Variants in ABCC10 observed in about 807,000 individuals in gnomAD.
ABCC10 encodes the protein ATP binding cassette subfamily C member 10, also known as ATP-binding cassette sub-family C member 10.
ABCC10 carries 110 observed loss-of-function variants against 143.2 expected under a neutral mutation model. The observed-to-expected ratio is 0.77, with a 90% CI of 0.66 to 0.90. The LOEUF is 0.90. Among genes scored for constraint, ABCC10 ranks in the 40% least tolerant of loss-of-function variants. ABCC10 has a pLI of 0.00. For synonymous variants in ABCC10, 805 were observed against 846.7 expected, an observed-to-expected ratio of 0.95 and a Z score of 0.85; for missense variants, 1,700 against 1,900.5, an observed-to-expected ratio of 0.89 and a Z score of 1.96.
intron 17 of ABCC10, 70 bp from the exon 18 acceptor site, chr6:43,447,614 T>A: frequency 1.3e-6 from 2 of 1,593,248 alleles, no homozygotes; most frequent in Non-Finnish European, 1.7e-6. Context: ...TATTCTCCCC[T>A]CCTCACCATC....
rs1783292609 is a variant in ABCC10, at chr6:43,447,910, C to T, written c.3932C>T (p.Thr1311Ile). 1.9e-6 allele frequency: 3 copies of T among 1,613,494 alleles called. No individual in the cohort carries two copies. The highest frequency in any genetic ancestry group is 1.3e-5 in the African/African-American group (1 of 74,932). Residue 1311 changes from threonine to isoleucine, a missense_variant, in exon 18 of 22, where the codon ACC becomes ATC. Thr to Ile is a moderately conservative substitution (Grantham distance 89, BLOSUM62 -1). Transcript: ENST00000372530. ...CGAGTGCTGCTGGACGGCGTGGACACCAGCCAGCTGGAGCTGGCCCAGCTC... is the reference window on the plus strand; with the variant it reads ...CGAGTGCTGCTGGACGGCGTGGACATCAGCCAGCTGGAGCTGGCCCAGCTC... ...SGRVLLDGVD[T>I]SQLELAQLRS...
At position 43,432,531 on chromosome 6, in the gene ABCC10, C is replaced by G; in HGVS notation, c.551C>G (p.Ala184Gly). 2.5e-6 allele frequency: 4 copies of G among 1,612,710 alleles called. No homozygotes were observed. The highest frequency in any genetic ancestry group is 3.4e-6 in the Non-Finnish European group (4 of 1,180,034). ...LLILQLAALL[A>G]YALGWAAPGG... is the part of the protein sequence containing the mutation. ...ATCCTGCAGCTGGCTGCACTCTTGG[C>G]CTATGCACTGGGATGGGCAGCTCCT... Residue 184 changes from alanine (A) to glycine (G), a missense_variant, in exon 3 of 22, where the codon GCC becomes GGC. By Grantham distance (60) the Ala-to-Gly change is moderately conservative. Transcript: ENST00000372530.
intron 7 of ABCC10, 115 bp downstream of exon 7, chr6:43,438,128 G>A (rs989932178): frequency 2.5e-6 from 3 of 1,199,502 alleles, no homozygotes; most frequent in Non-Finnish European, 3.6e-6. Context: ...GCAACGCATG[G>A]TCCCTTTATT....
In ABCC10 at chr6:43,449,484, G is replaced by A. The variant is rs201665862; in HGVS notation, c.4266G>A (p.Gln1422=). 1.2e-5 allele frequency: 20 copies of A among 1,614,058 alleles called. No individual in the cohort carries two copies. The East Asian group carries it at 4.0e-4, about 32-fold the overall frequency. The change falls in exon 21 of 22, where the codon CAG becomes CAA. Residue 1422 remains glutamine, a synonymous_variant. Coordinates refer to ENST00000372530, the MANE Select transcript of ABCC10 (RefSeq NM_001198934.2). The part of the protein sequence containing the change: ...VDQKTDQLLQ[Q]TICKRFANKT... ...AGAAGACAGACCAGCTGCTCCAGCA[G>A]ACCATCTGCAAACGCTTTGCCAACA...
intron 8 of ABCC10, among the ~76,000 whole-genome samples, chr6:43,441,479 A>G (rs1476574288): frequency 2.0e-5 from 3 of 152,214 alleles, no homozygotes; most frequent in African/African-American, 7.2e-5. Context: ...CGTCTCAAAA[A>G]AAAAAAAGGG....
intron 2 of ABCC10, among the ~76,000 whole-genome samples, chr6:43,428,742 A>G (rs540790838): frequency 2.3e-4 from 35 of 152,332 alleles, no homozygotes; most frequent in Non-Finnish European, 4.3e-4. Flanking sequence ...AGTTAGTCTC[A>G]TTCTGGCTGC....
In ABCC10 at chr6:43,443,104, C is replaced by G. The variant is rs776121960; in HGVS notation, c.2361C>G (p.Tyr787Ter). ...TRLLCTHRTEYLERADAVLLM... is the reference protein window; with the variant it reads ...TRLLCTHRTE ...TGCTCTGCACCCACCGCACTGAGTA[C>G]CTGGAGAGGGCTGACGCGGTGCTGC... The change falls in exon 10 of 22, where the codon TAC becomes TAG. Residue 787 changes from tyrosine to a stop codon, truncating the protein, a stop_gained. Transcript: ENST00000372530. LOFTEE classifies it high-confidence loss of function. This position sits in a 1 kb window ranked among gnomAD's most constrained non-coding sequence, Gnocchi z 4.2. The G allele has an allele frequency of 6.2e-7, 1 of 1,611,682 alleles. No individual in the cohort carries two copies. Among genetic ancestry groups the G allele is most frequent in the Non-Finnish European group, 8.5e-7 (1 of 1,179,932 alleles).
rs1328431550 is a variant in ABCC10 at position 43,438,361 on chromosome 6, C to T, written c.1956-263C>T. 2.8e-6 allele frequency: 4 copies of T among 1,415,802 alleles called. No individual in the cohort carries two copies. In the Admixed American group the frequency reaches 1.2e-4, roughly 41 times the overall value. The allele number at this position is 1,415,802 out of a possible 1,614,324, so 87.7% of individuals were successfully genotyped here. On this transcript the variant is annotated intron_variant, in intron 7 of 21. Transcript: ENST00000372530. ...GATGGGAACAAGTACAATGTGGTGG[C>T]CATACTCTCCACTGAGCTCCTGAAC...
intron 16 of ABCC10, 141 bp downstream of exon 16, chr6:43,446,587 A>C: frequency 7.0e-7 from 1 of 1,420,206 alleles, no homozygotes; most frequent in Non-Finnish European, 9.2e-7. Context: ...TATCATCATC[A>C]CCCCCGTTTG....
At chr6:43,434,034 G>A (rs1453789405) in intron 3 of ABCC10, among the ~76,000 whole-genome samples, 1 of 152,258 alleles carries the variant, frequency 6.6e-6, no homozygotes, top group Non-Finnish European at 1.5e-5. Flanking sequence ...GGGAAGGGAG[G>A]TTGATAGATG....
chr6:43,441,857 A>C lies in ABCC10; in HGVS notation c.2128-5A>C. 6 of 1,612,774 alleles carry C rather than the reference A, an allele frequency of 3.7e-6. No homozygotes were observed. The highest frequency in any genetic ancestry group is 5.1e-6 in the Non-Finnish European group (6 of 1,179,488). On this transcript the variant is annotated splice_polypyrimidine_tract_variant and splice_region_variant and intron_variant, in intron 8 of 21. Transcript: ENST00000372530. ...CCTGACCCACTGGGGCACCTGTTCC[A>C]TCAGATCCTGCCTGCTGGAGACCAG...
At position 43,444,169 on chromosome 6, in the gene ABCC10, G is replaced by A; in HGVS notation, c.2505G>A (p.Gln835=). 6.2e-7 allele frequency: 1 copy of A among 1,613,374 alleles called. No homozygotes were observed. The highest frequency in any genetic ancestry group is 8.5e-7 in the Non-Finnish European group (1 of 1,179,518). The stretch of plus-strand genomic sequence containing the variant: ...CCCTGATTCTCACAGCCACAGCCCA[G>A]TCAGTACAGAACCCAGAGAAAACAA... ...NGQESDSATA[Q]SVQNPEKTKE... Residue 835 remains glutamine, a synonymous_variant, in exon 12 of 22, where the codon CAG becomes CAA. Coordinates refer to ENST00000372530, the MANE Select transcript of ABCC10 (RefSeq NM_001198934.2).
Position 43,441,863 on chromosome 6 carries a change from T to A in ABCC10, c.2129T>A (p.Ile710Asn). ...CCACTGGGGCACCTGTTCCATCAGA[T>A]CCTGCCTGCTGGAGACCAGACAGAG... ...EACALNDDLS[I>N]LPAGDQTEVG... Residue 710 changes from isoleucine to asparagine, a missense_variant and splice_region_variant, in exon 9 of 22, where the codon ATC becomes AAC. Physicochemically the swap from Ile to Asn is moderately radical, Grantham distance 149 (BLOSUM62 -3). Transcript: ENST00000372530. The A allele has an allele frequency of 5.0e-6, 8 of 1,612,976 alleles. No individual in the cohort carries two copies. Among genetic ancestry groups the A allele is most frequent in the Non-Finnish European group, 6.8e-6 (8 of 1,179,526 alleles).
At chr6:43,441,685 G>A (rs112249475) in intron 8 of ABCC10, among the ~76,000 whole-genome samples, 177 bp from the exon 9 acceptor site, 3,005 of 152,304 alleles carry the variant, frequency 0.02, 98 homozygotes, top group African/African-American at 0.067. Context: ...TGTTCAATAA[G>A]TGCTTGATGT....
At chr6:43,441,281 T>G (rs1452144396) in intron 8 of ABCC10, among the ~76,000 whole-genome samples, 1 of 151,674 alleles carries the variant, frequency 6.6e-6, no homozygotes. Context: ...ATCGAGACCA[T>G]CCTGGCTAAC....
rs1781242019 is a variant in ABCC10, at chr6:43,432,484, C to T, written c.504C>T (p.Pro168=). Residue 168 remains proline, a synonymous_variant, in exon 3 of 22, where the codon CCC becomes CCT. Transcript: ENST00000372530. The part of the protein sequence containing the change: ...GTLLPPLLPG[P]MARLCLLILQ... ...TTCTGCCCCCACTTCTCCCAGGGCC[C>T]ATGGCCCGCCTATGCTTGCTCATCC... The T allele has an allele frequency of 1.2e-6, 2 of 1,611,966 alleles. No individual in the cohort carries two copies. Among genetic ancestry groups the T allele is most frequent in the Non-Finnish European group, 8.5e-7 (1 of 1,180,030 alleles).
At position 43,438,794 on chromosome 6, in the gene ABCC10, G is replaced by T. The variant is rs772055280; in HGVS notation, c.2126G>T (p.Ser709Ile). Residue 709 changes from serine (S) to isoleucine (I), a missense_variant and splice_region_variant, in exon 8 of 22, where the codon AGT (serine) becomes ATT (isoleucine). Coordinates refer to ENST00000372530, the MANE Select transcript of ABCC10 (RefSeq NM_001198934.2). ...LEACALNDDLSILPAGDQTEV... is the reference protein window; with the variant it reads ...LEACALNDDLIILPAGDQTEV... Reference sequence around the variant, plus strand: ...GCCTGCGCCCTCAATGATGACCTCAGTGTGAGTGCCTGGCCTTGAAACCTC... The same window carrying T: ...GCCTGCGCCCTCAATGATGACCTCATTGTGAGTGCCTGGCCTTGAAACCTC... 1 of 1,613,934 alleles carries T rather than the reference G, an allele frequency of 6.2e-7. No individual in the cohort carries two copies. Among genetic ancestry groups the T allele is most frequent in the South Asian group, 1.1e-5 (1 of 91,084 alleles).
At position 43,433,215 on chromosome 6, in the gene ABCC10, T is replaced by C; in HGVS notation, c.1235T>C (p.Leu412Pro). The C allele has an allele frequency of 1.9e-6, 3 of 1,614,178 alleles. No individual in the cohort carries two copies. The South Asian group carries it at 3.3e-5, about 18-fold the overall frequency. The change falls in exon 3 of 22, where the codon CTC becomes CCC. Residue 412 changes from leucine (L) to proline (P), a missense_variant. Physicochemically the swap from Leu to Pro is moderately conservative, Grantham distance 98 (BLOSUM62 -3). Coordinates refer to ENST00000372530, the MANE Select transcript of ABCC10 (RefSeq NM_001198934.2). Reference sequence around the variant, plus strand: ...CTGCCCCTGCAACTGGCCATCACCCTCTACCTGCTGTACCAGCAGGTAGGC... The same window carrying C: ...CTGCCCCTGCAACTGGCCATCACCCCCTACCTGCTGTACCAGCAGGTAGGC... ...WGLPLQLAIT[L>P]YLLYQQVGVA...
chr6:43,443,718 TG>T lies in ABCC10; in HGVS notation c.2417-213del. 1.8e-6 allele frequency: 1 copy of T among 541,860 alleles called. No homozygotes were observed. The highest frequency in any genetic ancestry group is 3.1e-5 in the Admixed American group (1 of 32,762). The allele number at this position is 541,860 out of a possible 1,614,324, so 33.6% of individuals were successfully genotyped here. On this transcript the variant is annotated intron_variant, in intron 10 of 21. Coordinates refer to ENST00000372530, the MANE Select transcript of ABCC10 (RefSeq NM_001198934.2). The surrounding 1 kb of genome is among the most constrained non-coding windows in gnomAD (Gnocchi z 4.2). ...TGGTCGGAATCAAGGTTTACAAGGA[TG>T]GACTTGAGTCCTGCTCGAGGTCTAG...
Sources: gnomAD v4.1 joint callset for allele counts (sites outside exome capture counted in the v4.1 genomes callset) on GRCh38, gnomAD v4.1.1 for gene constraint, Gnocchi (gnomAD v3.1) non-coding constraint, MANE v1.5 for transcripts, NCBI Gene and HGNC (gene_info 2026-07-23, HGNC 2026-07-21) for gene names.